The following SAP130 variants were observed in gnomAD, a reference collection of about 807,000 sequenced individuals.
SAP130 encodes the protein Sin3A associated protein 130.
A neutral mutation model predicts 103.2 loss-of-function variants in SAP130; 16 were observed. The observed-to-expected ratio is 0.16, with a 90% CI of 0.10 to 0.24. The LOEUF (loss-of-function observed/expected upper bound fraction) is 0.24. SAP130 is among the 10% of genes least tolerant of loss of function. The probability of loss-of-function intolerance (pLI) is 1.00; values close to 1 mark genes in which losing one functional copy is unlikely to be tolerated. For missense variants in SAP130, 990 were observed against 1,359.7 expected, an observed-to-expected ratio of 0.73 and a Z score of 4.28; for synonymous variants, 477 against 497.0, an observed-to-expected ratio of 0.96 and a Z score of 0.53.
At chr2:127,948,295 A>G (rs1679252624) in intron 18 of SAP130, among the ~76,000 whole-genome samples, 1 of 130,978 alleles carries the variant, frequency 7.6e-6, no homozygotes, top group South Asian at 2.5e-4. Context: ...TGTTTTCTGT[A>G]CTTCTTTTTT....
intron 6 of SAP130, among the ~76,000 whole-genome samples, chr2:128,012,309 A>T (rs929846606): frequency 1.3e-5 from 2 of 152,088 alleles, no homozygotes; most frequent in African/African-American, 4.8e-5. Flanking sequence ...GTCTCTACTA[A>T]AAGTATAAAA....
Position 127,986,369 on chromosome 2 carries a change from T to C in SAP130, c.1958+416A>G, listed in dbSNP as rs1033995559. ...TGAAGAAGCGAGCCACTCCCACTGT[T>C]GCACGCCCTGCGAGGGGGACAAGGG... is the stretch of plus-strand genomic sequence containing the variant. On this transcript the variant is annotated intron_variant, in intron 14 of 20. Coordinates refer to ENST00000643581, the MANE Select transcript of SAP130 (RefSeq NM_001330301.2). The surrounding 1 kb of genome is among the most constrained non-coding windows in gnomAD (Gnocchi z 4.7). Among the ~76,000 whole-genome samples the C allele has an allele frequency of 1.3e-5, 2 of 152,342 alleles. No individual in the cohort carries two copies. The highest frequency in any genetic ancestry group is 6.8e-3 in the Middle Eastern group (2 of 294).
rs115537195 is a variant in SAP130, at chr2:128,004,754, C to T, written c.870-4300G>A. On this transcript the variant is annotated intron_variant, in intron 7 of 20. Coordinates refer to ENST00000643581, the MANE Select transcript of SAP130 (RefSeq NM_001330301.2). The stretch of plus-strand genomic sequence containing the variant: ...TCTGTGGGGAATAGTGTGCGGGGGA[C>T]CTAGGGAAGAGAGGCTTTGCCATTT... Among the ~76,000 whole-genome samples the T allele has an allele frequency of 4.5e-3, 690 of 152,110 alleles. 6 individuals carry two copies. The highest frequency in any genetic ancestry group is 0.016 in the African/African-American group (648 of 41,490).
At position 127,989,636 on chromosome 2, in the gene SAP130, G is replaced by C; in HGVS notation, c.1708C>G (p.Pro570Ala). 6.2e-7 allele frequency: 1 copy of C among 1,614,158 alleles called. No homozygotes were observed. The highest frequency in any genetic ancestry group is 8.5e-7 in the Non-Finnish European group (1 of 1,180,042). Reference protein sequence around the residue: ...LGTQGIHSATPINTQGLQPAP... With the variant: ...LGTQGIHSATAINTQGLQPAP... ...GGCTGAAGCCCTTGTGTGTTGATTG[G>C]GGTTGCTGAGTGAATTCCCTGTGTG... is the stretch of plus-strand genomic sequence containing the variant. The change falls in exon 13 of 21, where the codon CCA becomes GCA. Residue 570 changes from proline to alanine, a missense_variant. Coordinates refer to ENST00000643581, the MANE Select transcript of SAP130 (RefSeq NM_001330301.2). The surrounding 1 kb of genome is among the most constrained non-coding windows in gnomAD (Gnocchi z 4.6).
At chr2:127,972,850 T>C (rs1269540329) in intron 15 of SAP130, among the ~76,000 whole-genome samples, 1 of 152,070 alleles carries the variant, frequency 6.6e-6, no homozygotes, top group Non-Finnish European at 1.5e-5. Context: ...GGGAGGATCC[T>C]TGCACCCAGG....
intron 2 of SAP130, among the ~76,000 whole-genome samples, chr2:128,018,908 C>A (rs944152467): frequency 6.6e-6 from 1 of 151,836 alleles, no homozygotes; most frequent in Non-Finnish European, 1.5e-5. Flanking sequence ...CCAGCCTGAC[C>A]AACGTGGTGA....
chr2:128,000,814 A>C (rs944456104), intron 7 of SAP130, among the ~76,000 whole-genome samples: 4 of 152,178 alleles, frequency 2.6e-5, no homozygotes, highest in Admixed American at 2.6e-4. Flanking sequence ...AGGCTGAAGG[A>C]TAGCTTGTGC....
At chr2:127,944,294 C>T (rs191369974) in intron 19 of SAP130, among the ~76,000 whole-genome samples, 4 of 152,242 alleles carry the variant, frequency 2.6e-5, no homozygotes, top group Admixed American at 6.5e-5. Context: ...CCCCAGCCTT[C>T]CAAAGTACTG....
At chr2:127,964,311 T>C (rs1418697009) in intron 15 of SAP130, among the ~76,000 whole-genome samples, 4 of 151,900 alleles carry the variant, frequency 2.6e-5, no homozygotes, top group Non-Finnish European at 4.4e-5. Context: ...CTGGCCAACA[T>C]GGTAAAACCC....
chr2:127,963,014 A>AG (rs1680369638), intron 15 of SAP130, among the ~76,000 whole-genome samples: 1 of 151,858 alleles, frequency 6.6e-6, no homozygotes, highest in South Asian at 2.1e-4. Context: ...TCTGAAAAAA[A>AG]AAAGAAAAAA....
chr2:127,944,154 C>T (rs931009125), intron 19 of SAP130, among the ~76,000 whole-genome samples: 1 of 152,034 alleles, frequency 6.6e-6, no homozygotes, highest in Non-Finnish European at 1.5e-5. Flanking sequence ...ACCTCAGCTT[C>T]CCAGGTAGCT....
chr2:127,950,513 C>A, intron 16 of SAP130, 105 bp from the exon 17 acceptor site: 2 of 1,312,178 alleles, frequency 1.5e-6, no homozygotes, highest in Admixed American at 2.0e-5. Context: ...GCACAGAGCA[C>A]CAACATTTAT....
At chr2:127,963,057 CT>C (rs1418782998) in intron 15 of SAP130, among the ~76,000 whole-genome samples, 1 of 151,322 alleles carries the variant, frequency 6.6e-6, no homozygotes, top group Non-Finnish European at 1.5e-5. Flanking sequence ...ACTGGACTTA[CT>C]TCTTTATTCT....
chr2:127,949,798 T>C, intron 18 of SAP130, 71 bp downstream of exon 18: 1 of 1,506,102 alleles, frequency 6.6e-7, no homozygotes. Context: ...TGGTTCTGTT[T>C]TTCTCTTCTA....
chr2:127,954,821 G>A (rs1679719223), intron 16 of SAP130, among the ~76,000 whole-genome samples, 165 bp downstream of exon 16: 1 of 152,166 alleles, frequency 6.6e-6, no homozygotes, highest in Non-Finnish European at 1.5e-5. Flanking sequence ...TTCACAATGA[G>A]TTTACTGCTT....
At chr2:128,000,589 C>T in intron 7 of SAP130, 135 bp from the exon 8 acceptor site, 1 of 941,818 alleles carries the variant, frequency 1.1e-6, no homozygotes, top group Non-Finnish European at 1.6e-6. Flanking sequence ...TTTAATCACA[C>T]CAATGTGGCA....
chr2:128,000,240 G>C, intron 8 of SAP130, 67 bp downstream of exon 8: 1 of 1,607,844 alleles, frequency 6.2e-7, no homozygotes, highest in Non-Finnish European at 8.5e-7. Flanking sequence ...CAGGCCCTCA[G>C]CACATTTTGC....
chr2:127,962,618 T>G (rs917077383), intron 15 of SAP130, among the ~76,000 whole-genome samples: 1 of 150,586 alleles, frequency 6.6e-6, no homozygotes, highest in African/African-American at 2.4e-5. Context: ...CTCAGCAAAC[T>G]GTCACAAGGA....
intron 7 of SAP130, among the ~76,000 whole-genome samples, chr2:128,000,692 G>A (rs1683493531): frequency 6.6e-6 from 1 of 152,128 alleles, no homozygotes. Context: ...AATCCTTGAT[G>A]TAGTTAATCA....
Sources: allele counts gnomAD v4.1 joint callset (sites outside exome capture counted in the v4.1 genomes callset), GRCh38; gene constraint gnomAD v4.1.1; non-coding constraint Gnocchi (gnomAD v3.1); transcripts MANE v1.5; gene names NCBI Gene and HGNC (gene_info 2026-07-23, HGNC 2026-07-21).